The following KLHL20 variants were observed in gnomAD, a reference collection of about 807,000 sequenced individuals.
The protein encoded by KLHL20 is kelch like family member 20.
Under a neutral mutation model 69.5 loss-of-function variants are expected in KLHL20, and 29 were observed. That is an observed-to-expected ratio of 0.42 (90% CI 0.31 to 0.57). The LOEUF (loss-of-function observed/expected upper bound fraction) is 0.57, where lower values mean the gene tolerates loss of function less well. Among genes scored for constraint, KLHL20 ranks in the 20% least tolerant of loss-of-function variants. KLHL20 has a pLI of 0.18. For missense variants in KLHL20, 419 were observed against 776.0 expected (o/e 0.54, Z 5.47); for synonymous variants, 253 against 265.2 (o/e 0.95, Z 0.45).
At chr1:173,764,483 G>A (rs1393513157) in intron 7 of KLHL20, among the ~76,000 whole-genome samples, 3 of 152,148 alleles carry the variant, frequency 2.0e-5, no homozygotes, top group Admixed American at 6.5e-5. Flanking sequence ...CCAAATGTCC[G>A]TCAATCAATG....
At position 173,734,022 on chromosome 1, in the gene KLHL20, C is replaced by T. The variant is rs747564551; in HGVS notation, c.333C>T (p.Ile111=). The change falls in exon 3 of 12, where the codon ATC becomes ATT. Residue 111 remains isoleucine, a synonymous_variant. Coordinates refer to ENST00000209884, the MANE Select transcript of KLHL20 (RefSeq NM_014458.4). ...LAESRQTEVV[I]RDIDERAMEL... Reference sequence around the variant, plus strand: ...AGAGCCGTCAGACAGAAGTAGTGATCCGAGACATTGACGAGAGGGCTATGG... The same window carrying T: ...AGAGCCGTCAGACAGAAGTAGTGATTCGAGACATTGACGAGAGGGCTATGG... 6 of 1,614,168 alleles carry T rather than the reference C, an allele frequency of 3.7e-6. No homozygotes were observed. The South Asian group carries it at 5.5e-5, about 15-fold the overall frequency.
chr1:173,779,034 T>A (rs911485342), intron 10 of KLHL20, among the ~76,000 whole-genome samples: 1 of 152,148 alleles, frequency 6.6e-6, no homozygotes, highest in East Asian at 1.9e-4. Flanking sequence ...TGCATTGTTA[T>A]GTTATTTGAA....
intron 2 of KLHL20, among the ~76,000 whole-genome samples, chr1:173,721,806 G>A (rs1671729574): frequency 6.6e-6 from 1 of 152,104 alleles, no homozygotes; most frequent in Non-Finnish European, 1.5e-5. Context: ...ACTTTGAGAT[G>A]TTATTTCTGT....
intron 7 of KLHL20, among the ~76,000 whole-genome samples, chr1:173,765,659 A>G (rs1052220354): frequency 2.0e-5 from 3 of 152,214 alleles, no homozygotes; most frequent in African/African-American, 4.8e-5. Flanking sequence ...TAAATAATGT[A>G]TAACACATAT....
intron 8 of KLHL20, among the ~76,000 whole-genome samples, chr1:173,768,326 CAT>C (rs1223302596): frequency 2.6e-5 from 4 of 152,222 alleles, no homozygotes; most frequent in South Asian, 2.1e-4. Flanking sequence ...TTTAGAGTCT[CAT>C]GTGCTATGAT....
chr1:173,750,065 A>G (rs994201747), intron 3 of KLHL20, among the ~76,000 whole-genome samples: 3 of 152,194 alleles, frequency 2.0e-5, no homozygotes, highest in African/African-American at 7.2e-5. Context: ...CCGCCCTACC[A>G]CAGAGAAAAA....
intron 11 of KLHL20, among the ~76,000 whole-genome samples, chr1:173,782,959 A>G (rs1057059979): frequency 6.6e-6 from 1 of 152,204 alleles, no homozygotes; most frequent in South Asian, 2.1e-4. Context: ...ATCTTTACTC[A>G]ATCATATTTT....
intron 3 of KLHL20, among the ~76,000 whole-genome samples, chr1:173,737,550 C>T (rs547196863): frequency 1.3e-5 from 2 of 152,286 alleles, no homozygotes; most frequent in East Asian, 3.9e-4. Context: ...GGCTTTATTT[C>T]TGGGTTCTCT....
intron 8 of KLHL20, among the ~76,000 whole-genome samples, chr1:173,773,889 T>C (rs1372880619): frequency 1.3e-5 from 2 of 151,940 alleles, no homozygotes; most frequent in African/African-American, 4.8e-5. Flanking sequence ...GGCAGGCACC[T>C]GTAGTCCCAG....
Position 173,753,278 on chromosome 1 carries a change from T to G in KLHL20, c.822T>G (p.Asp274Glu), listed in dbSNP as rs751089824. Residue 274 changes from aspartate (D) to glutamate (E), a missense_variant, in exon 5 of 12, where the codon GAT (aspartate) becomes GAG (glutamate). Around this residue, in one of 6 missense-constraint regions of KLHL20, gnomAD observed 99 missense variants for 240.7 expected, o/e 0.41. Coordinates refer to ENST00000209884, the MANE Select transcript of KLHL20 (RefSeq NM_014458.4). ...PKFLVGTVGS[D>E]PLIKSDEECR... is the part of the protein sequence containing the mutation. ...TCCTGGTCGGCACAGTAGGCTCTGA[T>G]CCCCTCATCAAAAGTGATGAAGAAT... The G allele has an allele frequency of 1.2e-6, 2 of 1,614,060 alleles. No individual in the cohort carries two copies. Among genetic ancestry groups the G allele is most frequent in the South Asian group, 2.2e-5 (2 of 91,070 alleles).
At chr1:173,746,621 G>A (rs1261232865) in intron 3 of KLHL20, among the ~76,000 whole-genome samples, 2 of 151,956 alleles carry the variant, frequency 1.3e-5, no homozygotes, top group Non-Finnish European at 2.9e-5. Flanking sequence ...GATTTTGTAT[G>A]TGTGTTTTTA....
intron 10 of KLHL20, among the ~76,000 whole-genome samples, chr1:173,778,208 C>T (rs1648605049): frequency 6.6e-6 from 1 of 152,120 alleles, no homozygotes; most frequent in Admixed American, 6.5e-5. Context: ...TCTCCTAACG[C>T]TATCACTCCC....
At chr1:173,780,808 C>T (rs1330065390) in intron 10 of KLHL20, among the ~76,000 whole-genome samples, 1 of 151,882 alleles carries the variant, frequency 6.6e-6, no homozygotes, top group African/African-American at 2.4e-5. Context: ...TGGCTCACTG[C>T]AACCTCCACC....
chr1:173,760,011 G>A (rs1444695849), intron 7 of KLHL20, among the ~76,000 whole-genome samples: 1 of 152,122 alleles, frequency 6.6e-6, no homozygotes, highest in Non-Finnish European at 1.5e-5. Flanking sequence ...CAAGAAAATA[G>A]ATAGCTTAAT....
chr1:173,745,316 C>T (rs1264051125), intron 3 of KLHL20, among the ~76,000 whole-genome samples: 1 of 151,412 alleles, frequency 6.6e-6, no homozygotes, highest in African/African-American at 2.4e-5. Flanking sequence ...GCGTGCACCA[C>T]CAGGCCTGGC....
intron 3 of KLHL20, chr1:173,734,532 TTA>T: frequency 2.1e-6 from 1 of 469,182 alleles, no homozygotes; most frequent in Non-Finnish European, 3.8e-6. Flanking sequence ...AAAAAAATTT[TTA>T]AAAAGGTTTA....
intron 8 of KLHL20, among the ~76,000 whole-genome samples, chr1:173,773,771 T>C (rs1224184580): frequency 6.6e-6 from 1 of 152,118 alleles, no homozygotes; most frequent in East Asian, 1.9e-4. Context: ...CCCAGCACTT[T>C]GGGAGGCCAA....
At position 173,726,254 on chromosome 1, in the gene KLHL20, C is replaced by T. The variant is rs372041766; in HGVS notation, c.24-7459C>T. On this transcript the variant is annotated intron_variant, in intron 2 of 11. Coordinates refer to ENST00000209884, the MANE Select transcript of KLHL20 (RefSeq NM_014458.4). ...AGGTAAATAAAGCGGCTGGGAAGCT[C>T]GAACGTGGTGGAGCCCACTGCAGTT... Among the ~76,000 whole-genome samples, 8 of 151,940 alleles carry T rather than the reference C, an allele frequency of 5.3e-5. No individual in the cohort carries two copies. In the East Asian group the frequency reaches 9.7e-4, roughly 18 times the overall value.
chr1:173,727,511 T>A (rs1176342105), intron 2 of KLHL20, among the ~76,000 whole-genome samples: 1 of 152,110 alleles, frequency 6.6e-6, no homozygotes, highest in Non-Finnish European at 1.5e-5. Flanking sequence ...AAAGGTCAGG[T>A]AACCCACAAA....
Sources: gnomAD v4.1 joint callset for allele counts (sites outside exome capture counted in the v4.1 genomes callset) on GRCh38, gnomAD v4.1.1 for gene constraint, gnomAD v4.1.1 regional missense constraint, MANE v1.5 for transcripts, NCBI Gene and HGNC (gene_info 2026-07-23, HGNC 2026-07-21) for gene names.